The following TMEM38B variants were observed in gnomAD, a reference collection of about 807,000 sequenced individuals.
TMEM38B encodes trimeric intracellular cation channel type B.
Under a neutral mutation model 28.7 loss-of-function variants are expected in TMEM38B, and 24 were observed. That is an observed-to-expected ratio of 0.84 (90% confidence interval 0.61 to 1.18). The LOEUF (loss-of-function observed/expected upper bound fraction) is 1.18. Among genes scored for constraint, TMEM38B ranks in the 50% most tolerant of loss-of-function variants. TMEM38B has a pLI of 0.00. For synonymous variants in TMEM38B, 131 were observed against 127.7 expected (o/e 1.03, Z -0.17); for missense variants, 380 against 350.9 (o/e 1.08, Z -0.66).
At chr9:105,718,758 AT>A (rs541167948) in intron 2 of TMEM38B, among the ~76,000 whole-genome samples, 177 of 152,234 alleles carry the variant, frequency 1.2e-3, no homozygotes, top group African/African-American at 3.5e-3. Flanking sequence ...ATATTTTATA[AT>A]TTTTTAGTAT....
intron 2 of TMEM38B, among the ~76,000 whole-genome samples, chr9:105,707,442 A>C (rs941755262): frequency 3.9e-5 from 6 of 152,176 alleles, no homozygotes; most frequent in Admixed American, 3.9e-4. Flanking sequence ...ATAAAGCAGA[A>C]ACTGTTTTCT....
chr9:105,713,746 G>A (rs1025384683), intron 2 of TMEM38B, among the ~76,000 whole-genome samples: 1 of 152,182 alleles, frequency 6.6e-6, no homozygotes, highest in Non-Finnish European at 1.5e-5. Flanking sequence ...GCCACCAGAG[G>A]CGGAACTCAT....
chr9:105,763,143 A>G (rs996643721), intron 5 of TMEM38B, among the ~76,000 whole-genome samples: 6 of 150,616 alleles, frequency 4.0e-5, no homozygotes, highest in Non-Finnish European at 8.8e-5. Context: ...AGTTCATTGT[A>G]GATTCTGGAT....
chr9:105,761,462 C>T (rs1838045693), intron 5 of TMEM38B, among the ~76,000 whole-genome samples: 1 of 152,128 alleles, frequency 6.6e-6, no homozygotes. Flanking sequence ...TTAAAAGATA[C>T]TTATTTAGCA....
intron 5 of TMEM38B, among the ~76,000 whole-genome samples, chr9:105,764,265 T>G (rs1838177080): frequency 6.6e-6 from 1 of 152,170 alleles, no homozygotes; most frequent in Non-Finnish European, 1.5e-5. Flanking sequence ...TAAAGGGTAT[T>G]CAGTTAGGAA....
Position 105,701,236 on chromosome 9 carries a change from A to AACTTCCTACTTTCTGGTTTGC in TMEM38B, c.113-4359_113-4339dup, listed in dbSNP as rs1835451479. Reference sequence around the variant, plus strand: ...GACAGATACCCAGGAGTAGGGTTTGAACTTCCTACTTTCTGGTTTGCATAT... The same window carrying AACTTCCTACTTTCTGGTTTGC: ...GACAGATACCCAGGAGTAGGGTTTGAACTTCCTACTTTCTGGTTTGCACTTCCTACTTTCTGGTTTGCATAT... On this transcript the variant is annotated intron_variant, in intron 1 of 5. Coordinates refer to ENST00000374692, the MANE Select transcript of TMEM38B (RefSeq NM_018112.3). 7 of 152,270 alleles carry AACTTCCTACTTTCTGGTTTGC rather than the reference A, an allele frequency of 4.6e-5. No individual in the cohort carries two copies. The South Asian group carries it at 1.5e-3, about 32-fold the overall frequency. 9.4% of individuals were successfully genotyped at this position (152,270 alleles called of 1,614,324 possible).
At chr9:105,748,426 A>G (rs1414456791) in intron 5 of TMEM38B, among the ~76,000 whole-genome samples, 2 of 152,322 alleles carry the variant, frequency 1.3e-5, no homozygotes, top group African/African-American at 4.8e-5. Flanking sequence ...GCCTAGTAGT[A>G]TATTGGAGAA....
Position 105,774,064 on chromosome 9 carries a change from C to T in TMEM38B, c.860C>T (p.Thr287Ile). The T allele has an allele frequency of 6.2e-7, 1 of 1,613,316 alleles. No homozygotes were observed. The highest frequency in any genetic ancestry group is 1.1e-5 in the South Asian group (1 of 91,046). The change falls in exon 6 of 6, where the codon ACT (threonine) becomes ATT (isoleucine). Residue 287 changes from threonine to isoleucine, a missense_variant. By Grantham distance (89) the Thr-to-Ile change is moderately conservative (BLOSUM62 -1). Coordinates refer to ENST00000374692, the MANE Select transcript of TMEM38B (RefSeq NM_018112.3). ...VASDNVKKKH[T>I]KKNE is the part of the protein sequence containing the mutation. ...TCAGATAATGTTAAAAAGAAACATA[C>T]TAAGAAGAATGAATAAATTTACGTG...
intron 4 of TMEM38B, among the ~76,000 whole-genome samples, chr9:105,746,485 G>A (rs1271972420): frequency 1.7e-4 from 26 of 152,158 alleles, no homozygotes; most frequent in Non-Finnish European, 2.8e-4. Flanking sequence ...GGGCTGAGAC[G>A]ATGGCGTTTT....
At chr9:105,772,777 A>G (rs1389160478) in intron 5 of TMEM38B, among the ~76,000 whole-genome samples, 1 of 152,160 alleles carries the variant, frequency 6.6e-6, no homozygotes, top group Admixed American at 6.6e-5. Context: ...TTTTTAATTT[A>G]TATAAATGAT....
At position 105,694,691 on chromosome 9, in the gene TMEM38B, G is replaced by T. The variant is rs1390681928; in HGVS notation, c.31G>T (p.Ala11Ser). Residue 11 changes from alanine to serine, a missense_variant, in exon 1 of 6, where the codon GCC (alanine) becomes TCC (serine). Transcript: ENST00000374692. The stretch of plus-strand genomic sequence containing the variant: ...TTCTCCATGGGACGAGTTGGCTCTG[G>T]CCTTCTCCCGCACGTCCATGTTTCC... MDSPWDELAL[A>S]FSRTSMFPFF... The T allele has an allele frequency of 6.2e-7, 1 of 1,613,986 alleles. No homozygotes were observed. Among genetic ancestry groups the T allele is most frequent in the Admixed American group, 1.7e-5 (1 of 60,022 alleles).
chr9:105,699,757 C>T (rs753502545), intron 1 of TMEM38B, among the ~76,000 whole-genome samples: 21 of 152,120 alleles, frequency 1.4e-4, no homozygotes, highest in South Asian at 6.2e-4. Flanking sequence ...CCATTTGTCT[C>T]GTGAACAAAC....
intron 5 of TMEM38B, chr9:105,759,611 C>A: frequency 6.4e-7 from 1 of 1,573,538 alleles, no homozygotes; most frequent in African/African-American, 1.3e-5. Context: ...TCAGGGAATT[C>A]AAGTAAAGAG....
intron 1 of TMEM38B, among the ~76,000 whole-genome samples, chr9:105,705,096 A>G (rs1835607429): frequency 1.3e-5 from 2 of 152,244 alleles, no homozygotes; most frequent in Admixed American, 6.5e-5. Flanking sequence ...TTGAGGTAGT[A>G]TAAATATCTA....
chr9:105,697,900 G>T (rs536081908), intron 1 of TMEM38B, among the ~76,000 whole-genome samples: 28 of 152,134 alleles, frequency 1.8e-4, no homozygotes, highest in African/African-American at 6.5e-4. Flanking sequence ...TTCTATAAAA[G>T]TATAGGTTCG....
intron 4 of TMEM38B, among the ~76,000 whole-genome samples, chr9:105,732,681 TACC>T (rs1201046940): frequency 6.6e-6 from 1 of 152,198 alleles, no homozygotes; most frequent in Non-Finnish European, 1.5e-5. Flanking sequence ...TCTGTTTTGG[TACC>T]AGTACCATGC....
At chr9:105,706,852 C>T (rs572131874) in intron 2 of TMEM38B, among the ~76,000 whole-genome samples, 2 of 152,058 alleles carry the variant, frequency 1.3e-5, no homozygotes, top group East Asian at 3.9e-4. Flanking sequence ...TACAGGCTCA[C>T]TGCAACCTCC....
intron 4 of TMEM38B, among the ~76,000 whole-genome samples, chr9:105,747,001 C>T (rs1345695976): frequency 2.0e-5 from 3 of 152,144 alleles, no homozygotes; most frequent in Admixed American, 6.5e-5. Flanking sequence ...AGAATTTTTG[C>T]ATCGATGTTC....
chr9:105,768,816 G>GGTTT (rs1490136528), intron 5 of TMEM38B, among the ~76,000 whole-genome samples: 3 of 152,082 alleles, frequency 2.0e-5, no homozygotes, highest in Non-Finnish European at 4.4e-5. Flanking sequence ...TCTACCTAGA[G>GGTTT]GTTTGTCAGT....
Sources: allele counts gnomAD v4.1 joint callset (sites outside exome capture counted in the v4.1 genomes callset), GRCh38; gene constraint gnomAD v4.1.1; transcripts MANE v1.5; gene names NCBI Gene and HGNC (gene_info 2026-07-23, HGNC 2026-07-21).